Variants in PDSS1 observed in about 807,000 individuals in gnomAD.
PDSS1 encodes decaprenyl diphosphate synthase subunit 1.
In PDSS1, 43 loss-of-function variants were observed where a neutral mutation model predicts 57.5. The ratio of observed to expected loss-of-function variants is 0.75; its 90% CI spans 0.59 to 0.96. The LOEUF is 0.96. Among genes scored for constraint, PDSS1 ranks in the 50% least tolerant of loss-of-function variants. The pLI, the probability that PDSS1 is intolerant of heterozygous loss-of-function variation, is 0.00. For synonymous variants in PDSS1, 175 were observed against 191.3 expected (o/e 0.91, Z 0.70); for missense variants, 438 against 527.8 (o/e 0.83, Z 1.67).
At chr10:26,707,778 C>T (rs1835287521) in intron 4 of PDSS1, among the ~76,000 whole-genome samples, 1 of 152,254 alleles carries the variant, frequency 6.6e-6, no homozygotes, top group Admixed American at 6.5e-5. Context: ...GCTAACTACT[C>T]ACCGGGAACG....
chr10:26,734,757 T>G (rs1836332606), intron 8 of PDSS1: 1 of 456,248 alleles, frequency 2.2e-6, no homozygotes, highest in Non-Finnish European at 4.4e-6. Context: ...AAGAAAGGAC[T>G]ACAGATGGGA....
intron 8 of PDSS1, among the ~76,000 whole-genome samples, chr10:26,725,969 T>C (rs1835936709): frequency 6.6e-6 from 1 of 152,172 alleles, no homozygotes; most frequent in Non-Finnish European, 1.5e-5. Flanking sequence ...AGTGAGACTA[T>C]TGGAATTGGA....
intron 5 of PDSS1, among the ~76,000 whole-genome samples, chr10:26,719,858 A>T (rs1835726455): frequency 6.6e-6 from 1 of 152,158 alleles, no homozygotes; most frequent in African/African-American, 2.4e-5. Context: ...TATCTTCCCT[A>T]TCCACCCCAA....
chr10:26,711,693 G>T (rs1221651754), intron 5 of PDSS1, among the ~76,000 whole-genome samples: 1 of 95,468 alleles, frequency 1.0e-5, no homozygotes, highest in East Asian at 2.5e-4. Context: ...GGGTCACTGG[G>T]GGCTGCCATG....
At chr10:26,701,453 G>A (rs974212203) in intron 1 of PDSS1, among the ~76,000 whole-genome samples, 41 of 152,302 alleles carry the variant, frequency 2.7e-4, no homozygotes, top group Non-Finnish European at 1.2e-4. Flanking sequence ...CTCTGTGCAA[G>A]AGCAGCCCTG....
chr10:26,729,459 A>G (rs982817534), intron 8 of PDSS1, among the ~76,000 whole-genome samples: 2 of 152,210 alleles, frequency 1.3e-5, no homozygotes, highest in African/African-American at 4.8e-5. Context: ...AATCCATCTA[A>G]CACCACAGGA....
chr10:26,746,397 T>C lies in PDSS1; in HGVS notation c.1172T>C (p.Ile391Thr). ...QQYCHEAIRE[I>T]SKLRPSPERD... Reference sequence around the variant, plus strand: ...TACTGCCATGAAGCAATAAGAGAGATCAGTAAACTTCGACCATCCCCAGAA... The same window carrying C: ...TACTGCCATGAAGCAATAAGAGAGACCAGTAAACTTCGACCATCCCCAGAA... Residue 391 changes from isoleucine to threonine, a missense_variant, in exon 12 of 12, where the codon ATC (isoleucine) becomes ACC (threonine). Ile to Thr is a moderately conservative substitution (Grantham distance 89, BLOSUM62 -1). This residue lies in a region of PDSS1 where 284 missense variants were observed against 390.7 expected (regional missense o/e 0.73). Transcript: ENST00000376215. 6.2e-7 allele frequency: 1 copy of C among 1,613,976 alleles called. No homozygotes were observed. The highest frequency in any genetic ancestry group is 1.1e-5 in the South Asian group (1 of 91,078).
chr10:26,736,082 G>A (rs1297722585), intron 10 of PDSS1, among the ~76,000 whole-genome samples: 1 of 152,194 alleles, frequency 6.6e-6, no homozygotes, highest in Non-Finnish European at 1.5e-5. Flanking sequence ...TAGAACCTCG[G>A]CCATTGCCTC....
intron 1 of PDSS1, chr10:26,701,805 A>G: frequency 2.2e-6 from 1 of 454,036 alleles, no homozygotes; most frequent in Non-Finnish European, 4.4e-6. Flanking sequence ...CGTGCTCTAG[A>G]CCCCAGAATG....
intron 6 of PDSS1, among the ~76,000 whole-genome samples, chr10:26,721,851 G>A (rs1309434341): frequency 2.0e-5 from 3 of 152,178 alleles, no homozygotes; most frequent in African/African-American, 4.8e-5. Flanking sequence ...CACATGTGCC[G>A]CCTTCACCTG....
At chr10:26,730,684 C>T (rs1463166886) in intron 8 of PDSS1, among the ~76,000 whole-genome samples, 1 of 152,142 alleles carries the variant, frequency 6.6e-6, no homozygotes, top group African/African-American at 2.4e-5. Context: ...TACAGTAACT[C>T]TCCCTTTTGC....
At chr10:26,706,420 C>T (rs1304018374) in intron 4 of PDSS1, among the ~76,000 whole-genome samples, 3 of 152,172 alleles carry the variant, frequency 2.0e-5, no homozygotes, top group Non-Finnish European at 4.4e-5. Flanking sequence ...AGCTTGCCTG[C>T]GCCTTCTCTG....
Position 26,746,338 on chromosome 10 carries a change from TG to T in PDSS1, c.1115del (p.Gly372ValfsTer17). ...RARQYVLQSD[G>X]VQQTTYLAQQ... ...TTTTGTTCTGTATCTTATAGAGTGA[TG>T]GTGTGCAACAAACAACCTACCTCGC... On this transcript the variant is annotated frameshift_variant, in exon 12 of 12. Transcript: ENST00000376215. LOFTEE classifies it high-confidence loss of function. 1.9e-6 allele frequency: 3 copies of T among 1,614,118 alleles called. No individual in the cohort carries two copies. The highest frequency in any genetic ancestry group is 2.5e-6 in the Non-Finnish European group (3 of 1,179,960).
At chr10:26,705,454 T>G in intron 4 of PDSS1, 60 bp downstream of exon 4, 1 of 696,420 alleles carries the variant, frequency 1.4e-6, no homozygotes, top group Non-Finnish European at 2.3e-6. Flanking sequence ...ACTAAAATTT[T>G]ATTTTATTTT....
At chr10:26,698,897 G>A (rs1408247941) in intron 1 of PDSS1, among the ~76,000 whole-genome samples, 1 of 152,244 alleles carries the variant, frequency 6.6e-6, no homozygotes, top group Admixed American at 6.5e-5. Context: ...GCTGAGGTGG[G>A]AGAATCGGTT....
intron 4 of PDSS1, among the ~76,000 whole-genome samples, chr10:26,708,480 A>G (rs1362861210): frequency 6.6e-6 from 1 of 152,194 alleles, no homozygotes. Flanking sequence ...CAATGTATTT[A>G]ATGTACAGCA....
intron 6 of PDSS1, among the ~76,000 whole-genome samples, chr10:26,721,852 C>G (rs922333797): frequency 6.6e-5 from 10 of 152,210 alleles, no homozygotes; most frequent in African/African-American, 2.4e-4. Flanking sequence ...ACATGTGCCG[C>G]CTTCACCTGC....
At chr10:26,729,465 C>T (rs910068461) in intron 8 of PDSS1, among the ~76,000 whole-genome samples, 2 of 152,218 alleles carry the variant, frequency 1.3e-5, no homozygotes, top group African/African-American at 4.8e-5. Context: ...TCTAACACCA[C>T]AGGATTTGTG....
At chr10:26,699,337 G>GT (rs1834972028) in intron 1 of PDSS1, among the ~76,000 whole-genome samples, 1 of 151,716 alleles carries the variant, frequency 6.6e-6, no homozygotes, top group Non-Finnish European at 1.5e-5. Context: ...GAAGAAGCCA[G>GT]TATTTGAAGA....
Sources: allele counts gnomAD v4.1 joint callset (sites outside exome capture counted in the v4.1 genomes callset), GRCh38; gene constraint gnomAD v4.1.1; regional missense constraint gnomAD v4.1.1; transcripts MANE v1.5; gene names NCBI Gene and HGNC (gene_info 2026-07-23, HGNC 2026-07-21).